HSD17B2: variants seen among roughly 807,000 people sequenced by gnomAD.
The protein encoded by HSD17B2 is 17-beta-hydroxysteroid dehydrogenase type 2.
HSD17B2 carries 32 observed loss-of-function variants against 26.9 expected under a neutral mutation model. That is an observed-to-expected ratio of 1.19 (90% CI 0.90 to 1.60). The LOEUF (loss-of-function observed/expected upper bound fraction) is 1.60. HSD17B2 is among the 40% of genes most tolerant of loss of function. The pLI, the probability that HSD17B2 is intolerant of heterozygous loss-of-function variation, is 0.00. For synonymous variants in HSD17B2, 246 were observed against 186.7 expected, an observed-to-expected ratio of 1.32 and a Z score of -2.59; for missense variants, 613 against 468.6, an observed-to-expected ratio of 1.31 and a Z score of -2.85.
At chr16:82,077,435 T>G (rs923022854) in intron 3 of HSD17B2, among the ~76,000 whole-genome samples, 2 of 152,186 alleles carry the variant, frequency 1.3e-5, no homozygotes, top group Middle Eastern at 3.2e-3. Flanking sequence ...ATTCAATAAA[T>G]GGTGCTGAGA....
At chr16:82,093,936 C>G (rs1042614369) in intron 4 of HSD17B2, 2 of 152,168 alleles carry the variant, frequency 1.3e-5, no homozygotes, top group Non-Finnish European at 2.9e-5. Flanking sequence ...TGGACATTGC[C>G]ATGGCATTTA....
intron 4 of HSD17B2, 143 bp from the exon 5 acceptor site, chr16:82,097,932 T>C (rs1904900072): frequency 2.8e-6 from 2 of 726,378 alleles, no homozygotes; most frequent in South Asian, 3.0e-5. Flanking sequence ...AGAAAGACTC[T>C]GTATCCCAAA....
At chr16:82,043,381 G>A (rs562791903) in intron 1 of HSD17B2, among the ~76,000 whole-genome samples, 10 of 152,112 alleles carry the variant, frequency 6.6e-5, no homozygotes, top group African/African-American at 2.4e-4. Flanking sequence ...GCCACTTTAG[G>A]GTTTATAAAA....
intron 1 of HSD17B2, among the ~76,000 whole-genome samples, chr16:82,066,694 A>G (rs1324413585): frequency 6.6e-6 from 1 of 151,696 alleles, no homozygotes; most frequent in Non-Finnish European, 1.5e-5. Flanking sequence ...TATTTATGGC[A>G]TCAACTCTCC....
At chr16:82,071,321 C>G in intron 3 of HSD17B2, 194 bp downstream of exon 3, 1 of 649,106 alleles carries the variant, frequency 1.5e-6, no homozygotes, top group South Asian at 1.7e-5. Context: ...TGTAGAAACT[C>G]TTATCTGCCT....
intron 3 of HSD17B2, among the ~76,000 whole-genome samples, chr16:82,073,584 A>C (rs1249027586): frequency 6.6e-6 from 1 of 152,128 alleles, no homozygotes; most frequent in Non-Finnish European, 1.5e-5. Flanking sequence ...TCACCAAGTT[A>C]ACCCATCTGA....
At chr16:82,087,494 T>A (rs912746168) in intron 3 of HSD17B2, among the ~76,000 whole-genome samples, 1 of 152,182 alleles carries the variant, frequency 6.6e-6, no homozygotes, top group African/African-American at 2.4e-5. Context: ...CATACAATAC[T>A]GCCATTTCAT....
At chr16:82,039,160 A>G (rs571134597) in intron 1 of HSD17B2, among the ~76,000 whole-genome samples, 1 of 152,054 alleles carries the variant, frequency 6.6e-6, no homozygotes, top group East Asian at 1.9e-4. Flanking sequence ...CTGCATCTTT[A>G]TTACTAGCTG....
intron 1 of HSD17B2, among the ~76,000 whole-genome samples, chr16:82,061,996 C>T (rs140127836): frequency 6.6e-6 from 1 of 152,186 alleles, no homozygotes; most frequent in African/African-American, 2.4e-5. Flanking sequence ...CCCAAACACG[C>T]GTTATTCACA....
At chr16:82,087,712 G>C (rs534292687) in intron 3 of HSD17B2, among the ~76,000 whole-genome samples, 1 of 152,248 alleles carries the variant, frequency 6.6e-6, no homozygotes, top group East Asian at 1.9e-4. Context: ...AATTTATAAT[G>C]AACAGAAATT....
At chr16:82,071,443 A>C in intron 3 of HSD17B2, 1 of 418,394 alleles carries the variant, frequency 2.4e-6, no homozygotes. Flanking sequence ...ATTACAAATA[A>C]TGTCAGCATT....
At chr16:82,046,210 A>G (rs1297988139) in intron 1 of HSD17B2, among the ~76,000 whole-genome samples, 2 of 152,196 alleles carry the variant, frequency 1.3e-5, no homozygotes, top group East Asian at 3.9e-4. Context: ...GCCCTGCCTC[A>G]TGAAGCTTAA....
At chr16:82,064,493 A>G (rs1395925083) in intron 1 of HSD17B2, among the ~76,000 whole-genome samples, 1 of 152,146 alleles carries the variant, frequency 6.6e-6, no homozygotes, top group South Asian at 2.1e-4. Flanking sequence ...TTGTGTAAAT[A>G]TATATTTTCA....
chr16:82,057,602 AC>A (rs1462942243), intron 1 of HSD17B2, among the ~76,000 whole-genome samples: 2 of 152,234 alleles, frequency 1.3e-5, no homozygotes, highest in African/African-American at 4.8e-5. Flanking sequence ...ACTGATGAAC[AC>A]CACTTCAACC....
chr16:82,041,729 C>T (rs1292225585), intron 1 of HSD17B2, among the ~76,000 whole-genome samples: 1 of 152,228 alleles, frequency 6.6e-6, no homozygotes, highest in Non-Finnish European at 1.5e-5. Context: ...GTTCTTCCTA[C>T]ACTTCCTCCA....
chr16:82,064,241 A>C (rs1337368237), intron 1 of HSD17B2, among the ~76,000 whole-genome samples: 2 of 152,216 alleles, frequency 1.3e-5, no homozygotes, highest in Non-Finnish European at 2.9e-5. Flanking sequence ...AGTCAAGATC[A>C]CAATGTCTCC....
chr16:82,044,319 G>C (rs1474383391), intron 1 of HSD17B2: 1 of 152,238 alleles, frequency 6.6e-6, no homozygotes, highest in Non-Finnish European at 1.5e-5. Context: ...AACCAATGGA[G>C]AAATGAGACA....
chr16:82,041,536 T>A lies in HSD17B2; in HGVS notation c.265+5847T>A, dbSNP rs146240507. Among the ~76,000 whole-genome samples, 266 of 152,318 alleles carry A rather than the reference T, an allele frequency of 1.7e-3. 3 individuals carry two copies. Among genetic ancestry groups the A allele is most frequent in the African/African-American group, 5.8e-3 (242 of 41,568 alleles). The stretch of plus-strand genomic sequence containing the variant: ...CTGCTTACCCAGGATGTGGCACAAA[T>A]AGAACATCCACTGGCTTCCACCAGT... On this transcript the variant is annotated intron_variant, in intron 1 of 4. Transcript: ENST00000199936.
chr16:82,055,851 G>T (rs1046756245), intron 1 of HSD17B2, among the ~76,000 whole-genome samples: 3 of 152,196 alleles, frequency 2.0e-5, no homozygotes, highest in African/African-American at 7.2e-5. Flanking sequence ...GTGGCGAATT[G>T]GTTTCCTCTG....
Sources: gnomAD v4.1 joint callset for allele counts (sites outside exome capture counted in the v4.1 genomes callset) on GRCh38, gnomAD v4.1.1 for gene constraint, MANE v1.5 for transcripts, NCBI Gene and HGNC (gene_info 2026-07-23, HGNC 2026-07-21) for gene names.